Variants in NT5C2 observed in about 807,000 individuals in gnomAD.
NT5C2 encodes cytosolic purine 5'-nucleotidase.
In NT5C2, 58 loss-of-function variants were observed where a neutral mutation model predicts 76.1. The observed-to-expected ratio is 0.76, with a 90% CI of 0.62 to 0.95. NT5C2 has a LOEUF of 0.95. Among genes scored for constraint, NT5C2 ranks in the 40% least tolerant of loss-of-function variants. The pLI is 0.00. For synonymous variants in NT5C2, 229 were observed against 237.4 expected, an observed-to-expected ratio of 0.96 and a Z score of 0.32; for missense variants, 478 against 690.3, an observed-to-expected ratio of 0.69 and a Z score of 3.45.
intron 6 of NT5C2, among the ~76,000 whole-genome samples, chr10:103,102,243 A>G (rs1286406165): frequency 6.6e-6 from 1 of 152,154 alleles, no homozygotes; most frequent in African/African-American, 2.4e-5. Flanking sequence ...GGATCCAAGC[A>G]GAGACCTAGA....
At chr10:103,113,972 T>C (rs1180942460) in intron 4 of NT5C2, among the ~76,000 whole-genome samples, 1 of 152,228 alleles carries the variant, frequency 6.6e-6, no homozygotes, top group Non-Finnish European at 1.5e-5. Context: ...ATGTGTGAAG[T>C]GGGATACATG....
chr10:103,089,956 G>GCTA, intron 18 of NT5C2, 48 bp from the exon 19 acceptor site: 1 of 1,491,352 alleles, frequency 6.7e-7, no homozygotes, highest in Non-Finnish European at 9.1e-7. Context: ...GAGCAAAGTA[G>GCTA]CTACTCCCCA....
chr10:103,101,739 A>G (rs1474852166), intron 6 of NT5C2, among the ~76,000 whole-genome samples: 1 of 152,152 alleles, frequency 6.6e-6, no homozygotes, highest in Non-Finnish European at 1.5e-5. Context: ...TACTACAAGA[A>G]AGGTGCAAAC....
chr10:103,147,346 T>C (rs1480665544), intron 3 of NT5C2, among the ~76,000 whole-genome samples: 2 of 152,272 alleles, frequency 1.3e-5, no homozygotes, highest in African/African-American at 4.8e-5. Context: ...AGTGAGCTAC[T>C]TGCTATTTCC....
intron 1 of NT5C2, among the ~76,000 whole-genome samples, chr10:103,188,403 C>T (rs773048177): frequency 1.1e-4 from 16 of 152,156 alleles, no homozygotes; most frequent in Admixed American, 7.2e-4. Context: ...GAAAAAAATA[C>T]GCACTGTCAA....
At chr10:103,094,612 A>C (rs2067708246) in intron 12 of NT5C2, 157 bp from the exon 13 acceptor site, 2 of 599,340 alleles carry the variant, frequency 3.3e-6, no homozygotes, top group Admixed American at 2.7e-5. Flanking sequence ...AGCCAGGCAC[A>C]GTGGCTCACA....
intron 12 of NT5C2, among the ~76,000 whole-genome samples, chr10:103,094,938 C>T (rs2067833784): frequency 6.6e-6 from 1 of 151,328 alleles, no homozygotes; most frequent in Admixed American, 6.6e-5. Context: ...GGGAAGCAGA[C>T]AAGATATAAA....
chr10:103,188,514 G>A (rs1369525264), intron 1 of NT5C2, among the ~76,000 whole-genome samples: 2 of 152,102 alleles, frequency 1.3e-5, no homozygotes, highest in African/African-American at 4.8e-5. Flanking sequence ...TTGCATAAAA[G>A]ACAAAAAATG....
At chr10:103,180,711 C>A (rs2135209710) in intron 2 of NT5C2, among the ~76,000 whole-genome samples, 1 of 151,774 alleles carries the variant, frequency 6.6e-6, no homozygotes, top group South Asian at 2.1e-4. Context: ...CGACAGAGAT[C>A]CTGTCTCAAA....
intron 3 of NT5C2, chr10:103,169,149 A>C (rs2087157069): frequency 1.3e-5 from 2 of 151,972 alleles, no homozygotes; most frequent in African/African-American, 4.8e-5. Context: ...TCTCATCACA[A>C]AAAAAAATGA....
rs368086170 is a variant in NT5C2, at chr10:103,139,621, G to T, written c.102-142C>A. Reference sequence around the variant, plus strand: ...AACTTTTAAAATTATATATTAAGATGTATAACACGACATGCTGTTTGATAT... The same window carrying T: ...AACTTTTAAAATTATATATTAAGATTTATAACACGACATGCTGTTTGATAT... On this transcript the variant is annotated intron_variant, in intron 3 of 18. Transcript: ENST00000404739. 1.4e-4 allele frequency: 80 copies of T among 587,264 alleles called. 1 individual carries two copies. In the South Asian group the frequency reaches 1.5e-3, roughly 11 times the overall value. The allele number at this position is 587,264 out of a possible 1,614,324, so 36.4% of individuals were successfully genotyped here. A position where few individuals can be genotyped will look rare whatever the true frequency, so the allele number is the denominator to read the frequency against.
At chr10:103,178,583 A>G (rs2135112572) in intron 2 of NT5C2, among the ~76,000 whole-genome samples, 1 of 152,236 alleles carries the variant, frequency 6.6e-6, no homozygotes, top group South Asian at 2.1e-4. Flanking sequence ...CTGTAATCCC[A>G]GCACTTTGGG....
Position 103,174,992 on chromosome 10 carries a change from A to C in NT5C2, c.-24-10T>G. On this transcript the variant is annotated splice_polypyrimidine_tract_variant and intron_variant, in intron 2 of 18. Coordinates refer to ENST00000404739, the MANE Select transcript of NT5C2 (RefSeq NM_001351169.2). The stretch of plus-strand genomic sequence containing the variant: ...AACTGTATTTTGTATTCTAGAAAAG[A>C]AAATCATTAATTTAGTAACTTAATA... 1 of 1,425,122 alleles carries C rather than the reference A, an allele frequency of 7.0e-7. No individual in the cohort carries two copies. The highest frequency in any genetic ancestry group is 9.9e-7 in the Non-Finnish European group (1 of 1,010,620). 88.3% of individuals were successfully genotyped at this position (1,425,122 alleles called of 1,614,324 possible). A position where few individuals can be genotyped will look rare whatever the true frequency, so the allele number is the denominator to read the frequency against.
intron 3 of NT5C2, among the ~76,000 whole-genome samples, chr10:103,152,408 TAGC>T (rs1365789422): frequency 6.6e-6 from 1 of 152,138 alleles, no homozygotes; most frequent in Admixed American, 6.5e-5. Context: ...AATCTAAAAA[TAGC>T]AGTAAAGTGG....
intron 15 of NT5C2, 29 bp from the exon 16 acceptor site, chr10:103,091,644 A>G: frequency 6.3e-7 from 1 of 1,588,694 alleles, no homozygotes; most frequent in Non-Finnish European, 8.6e-7. Context: ...GAAAAGGAAG[A>G]CATTTTAAAT....
At chr10:103,127,415 T>C (rs1014420266) in intron 4 of NT5C2, among the ~76,000 whole-genome samples, 25 of 152,178 alleles carry the variant, frequency 1.6e-4, no homozygotes, top group African/African-American at 2.7e-4. Flanking sequence ...ATGGGGATAA[T>C]TGGTGATAAA....
intron 3 of NT5C2, among the ~76,000 whole-genome samples, chr10:103,141,989 T>C (rs906622335): frequency 2.6e-5 from 4 of 152,174 alleles, no homozygotes; most frequent in African/African-American, 4.8e-5. Flanking sequence ...AATCAGTAGT[T>C]TTCCATTAGG....
intron 4 of NT5C2, 91 bp from the exon 5 acceptor site, chr10:103,106,797 C>T (rs1223497264): frequency 2.5e-6 from 2 of 815,490 alleles, no homozygotes; most frequent in Non-Finnish European, 4.2e-6. Context: ...TTTCCCAGTT[C>T]TTCCCCCCTC....
At chr10:103,169,165 G>A (rs191893429) in intron 3 of NT5C2, 28 of 152,158 alleles carry the variant, frequency 1.8e-4, no homozygotes, top group African/African-American at 6.3e-4. Flanking sequence ...AATGATAAAT[G>A]TAAGAGGTTA....
Sources: allele counts gnomAD v4.1 joint callset (sites outside exome capture counted in the v4.1 genomes callset), GRCh38; gene constraint gnomAD v4.1.1; transcripts MANE v1.5; gene names NCBI Gene and HGNC (gene_info 2026-07-23, HGNC 2026-07-21).